The following MAML2 variants were observed in gnomAD, a reference collection of about 807,000 sequenced individuals.
MAML2 encodes the protein mastermind-like protein 2.
MAML2 carries 22 observed loss-of-function variants against 96.1 expected under a neutral mutation model. That is an observed-to-expected ratio of 0.23 (90% confidence interval 0.16 to 0.33). The LOEUF (loss-of-function observed/expected upper bound fraction) is 0.33. Among genes scored for constraint, MAML2 ranks in the 10% least tolerant of loss-of-function variants. The pLI, the probability that MAML2 is intolerant of heterozygous loss-of-function variation, is 1.00. For missense variants in MAML2, 1,367 were observed against 1,392.4 expected, an observed-to-expected ratio of 0.98 and a Z score of 0.29; for synonymous variants, 561 against 521.3, an observed-to-expected ratio of 1.08 and a Z score of -1.04.
In MAML2 at chr11:96,051,726, G is replaced by A. The variant is rs574197674; in HGVS notation, c.2139+40166C>T. On this transcript the variant is annotated intron_variant, in intron 2 of 4. Coordinates refer to ENST00000524717, the MANE Select transcript of MAML2 (RefSeq NM_032427.4). ...AGCCCACCAGTTAAAATTAATTTGC[G>A]TTAACAAGCAACCATTCAGGAGGCA... 3.2e-4 allele frequency among the ~76,000 whole-genome samples: 48 copies of A among 152,288 alleles called. 1 individual carries two copies. The highest frequency in any genetic ancestry group is 1.4e-3 in the Admixed American group (22 of 15,294).
chr11:96,285,624 G>GA (rs972913614), intron 1 of MAML2, among the ~76,000 whole-genome samples: 1 of 151,764 alleles, frequency 6.6e-6, no homozygotes, highest in Non-Finnish European at 1.5e-5. Flanking sequence ...AAATTTGCAA[G>GA]AAAAAAACCC....
At chr11:96,112,118 G>T (rs1429151798) in intron 1 of MAML2, among the ~76,000 whole-genome samples, 1 of 152,162 alleles carries the variant, frequency 6.6e-6, no homozygotes, top group African/African-American at 2.4e-5. Flanking sequence ...GAAAATAAAA[G>T]ATTTTTAAAA....
chr11:96,059,919 G>C (rs1859128646), intron 2 of MAML2, among the ~76,000 whole-genome samples: 1 of 152,192 alleles, frequency 6.6e-6, no homozygotes, highest in African/African-American at 2.4e-5. Context: ...AGGATTGTAA[G>C]TAAACCACTA....
chr11:96,083,456 C>G (rs1308726143), intron 2 of MAML2, among the ~76,000 whole-genome samples: 1 of 152,164 alleles, frequency 6.6e-6, no homozygotes, highest in Non-Finnish European at 1.5e-5. Flanking sequence ...AGAATCACAT[C>G]TCATAGATTT....
intron 1 of MAML2, among the ~76,000 whole-genome samples, chr11:96,302,598 T>C (rs912258129): frequency 6.6e-6 from 1 of 152,216 alleles, no homozygotes; most frequent in African/African-American, 2.4e-5. Flanking sequence ...GGAGGTTCCC[T>C]GGAGACAGGA....
intron 2 of MAML2, among the ~76,000 whole-genome samples, chr11:96,059,611 G>A (rs1859123155): frequency 6.6e-6 from 1 of 152,064 alleles, no homozygotes; most frequent in Admixed American, 6.5e-5. Flanking sequence ...TTTTGGGGGT[G>A]GGGAGGATTT....
intron 2 of MAML2, among the ~76,000 whole-genome samples, chr11:96,015,792 A>C (rs1405637834): frequency 3.9e-5 from 6 of 152,206 alleles, no homozygotes; most frequent in African/African-American, 1.4e-4. Flanking sequence ...TCCAGTCTTA[A>C]GGTATCTAAT....
intron 1 of MAML2, among the ~76,000 whole-genome samples, chr11:96,235,103 C>A (rs1015509871): frequency 6.6e-6 from 1 of 152,098 alleles, no homozygotes; most frequent in Admixed American, 6.5e-5. Flanking sequence ...TAATAGCACC[C>A]TCTGGACCTA....
intron 1 of MAML2, among the ~76,000 whole-genome samples, chr11:96,336,516 A>C (rs1863923094): frequency 6.6e-6 from 1 of 152,248 alleles, no homozygotes; most frequent in African/African-American, 2.4e-5. Flanking sequence ...TTAGCATGAA[A>C]ATGCAAAATA....
intron 2 of MAML2, among the ~76,000 whole-genome samples, chr11:96,040,595 C>T (rs372543938): frequency 2.0e-4 from 30 of 152,032 alleles, no homozygotes; most frequent in Non-Finnish European, 1.2e-4. Context: ...GGTGAAACCT[C>T]GTCTCTACTA....
chr11:96,006,870 T>TACACACACACAC (rs1491217661), intron 2 of MAML2, among the ~76,000 whole-genome samples: 6 of 109,804 alleles, frequency 5.5e-5, no homozygotes, highest in African/African-American at 1.6e-4. Context: ...AGGAATATCT[T>TACACACACACAC]ATACACACAC....
intron 2 of MAML2, among the ~76,000 whole-genome samples, chr11:96,043,966 T>A (rs1858856911): frequency 6.6e-6 from 1 of 152,250 alleles, no homozygotes; most frequent in Non-Finnish European, 1.5e-5. Context: ...GGTAATCATC[T>A]ATGTCAATCA....
intron 2 of MAML2, among the ~76,000 whole-genome samples, chr11:96,041,714 A>G (rs569247439): frequency 6.6e-6 from 1 of 151,704 alleles, no homozygotes; most frequent in Admixed American, 6.6e-5. Context: ...AAGCCAAACT[A>G]GCTGGAGTGA....
intron 1 of MAML2, among the ~76,000 whole-genome samples, chr11:96,233,128 C>G (rs1307890024): frequency 6.8e-6 from 1 of 146,336 alleles, no homozygotes; most frequent in Non-Finnish European, 1.5e-5. Flanking sequence ...AAAGAAAAAA[C>G]AATATCTGTC....
chr11:96,299,774 C>T (rs1451186966), intron 1 of MAML2, among the ~76,000 whole-genome samples: 2 of 152,174 alleles, frequency 1.3e-5, no homozygotes, highest in Non-Finnish European at 2.9e-5. Context: ...GCAGTAGCTT[C>T]CTCCCCTTTG....
intron 2 of MAML2, among the ~76,000 whole-genome samples, chr11:96,059,939 G>A (rs1190937978): frequency 6.6e-6 from 1 of 152,210 alleles, no homozygotes; most frequent in Admixed American, 6.5e-5. Context: ...AGATCAATGT[G>A]TTAAGTGCTA....
At chr11:96,330,938 G>C (rs894950933) in intron 1 of MAML2, among the ~76,000 whole-genome samples, 14 of 152,114 alleles carry the variant, frequency 9.2e-5, no homozygotes, top group Non-Finnish European at 2.1e-4. Flanking sequence ...CATTACAAAG[G>C]GGCGTGTGGG....
At chr11:96,254,604 A>G (rs11021497) in intron 1 of MAML2, among the ~76,000 whole-genome samples, 3 of 151,868 alleles carry the variant, frequency 2.0e-5, no homozygotes, top group Non-Finnish European at 4.4e-5. Flanking sequence ...CAAAACAAAA[A>G]AAAAACTCTT....
intron 1 of MAML2, among the ~76,000 whole-genome samples, chr11:96,339,953 T>A (rs1358959121): frequency 1.3e-5 from 2 of 152,210 alleles, no homozygotes; most frequent in Non-Finnish European, 2.9e-5. Flanking sequence ...AGTGCTGCTA[T>A]TCAAGGGTAA....
Sources: gnomAD v4.1 joint callset for allele counts (sites outside exome capture counted in the v4.1 genomes callset) on GRCh38, gnomAD v4.1.1 for gene constraint, MANE v1.5 for transcripts, NCBI Gene and HGNC (gene_info 2026-07-23, HGNC 2026-07-21) for gene names.